Variants in MPDZ observed in about 807,000 individuals in gnomAD.
MPDZ encodes the protein multiple PDZ domain protein.
MPDZ carries 234 observed loss-of-function variants against 239.1 expected under a neutral mutation model. The ratio of observed to expected loss-of-function variants is 0.98; its 90% CI spans 0.88 to 1.09. MPDZ has a LOEUF of 1.09. Among genes scored for constraint, MPDZ ranks in the 50% least tolerant of loss-of-function variants. The probability of loss-of-function intolerance (pLI) is 0.00; values close to 1 mark genes in which losing one functional copy is unlikely to be tolerated. For missense variants in MPDZ, 3,175 were observed against 2,510.0 expected, an observed-to-expected ratio of 1.26 and a Z score of -5.66; for synonymous variants, 1,048 against 881.3, an observed-to-expected ratio of 1.19 and a Z score of -3.35.
intron 32 of MPDZ, among the ~76,000 whole-genome samples, chr9:13,127,582 G>A (rs1026889648): frequency 2.0e-5 from 3 of 152,174 alleles, no homozygotes; most frequent in Non-Finnish European, 4.4e-5. Flanking sequence ...TCTTGACATG[G>A]TTTCTCTGAA....
chr9:13,216,859 G>T lies in MPDZ; in HGVS notation c.1205C>A (p.Pro402His). 6.2e-7 allele frequency: 1 copy of T among 1,606,746 alleles called. No homozygotes were observed. The highest frequency in any genetic ancestry group is 8.5e-7 in the Non-Finnish European group (1 of 1,176,086). ...AGYIGDKKLE[P>H]SGIFVKSITK... ...AATGCTCTTTACAAAGATTCCTGAA[G>T]GTTCTAAGATTAGAAATAGTTTATT... The change falls in exon 10 of 47, where the codon CCT (proline) becomes CAT (histidine). Residue 402 changes from proline to histidine, a missense_variant. Coordinates refer to ENST00000319217, the MANE Select transcript of MPDZ (RefSeq NM_001378778.1).
intron 38 of MPDZ, 116 bp downstream of exon 38, chr9:13,121,623 G>T: frequency 9.6e-7 from 1 of 1,037,710 alleles, no homozygotes; most frequent in Non-Finnish European, 1.4e-6. Flanking sequence ...GCTAACAACA[G>T]CTACCTACTG....
At chr9:13,215,388 G>C (rs1049379776) in intron 10 of MPDZ, among the ~76,000 whole-genome samples, 1 of 150,534 alleles carries the variant, frequency 6.6e-6, no homozygotes, top group African/African-American at 2.4e-5. Flanking sequence ...AGCAATATGT[G>C]TCTATATATC....
At chr9:13,165,119 G>T (rs1950915323) in intron 22 of MPDZ, among the ~76,000 whole-genome samples, 2 of 152,114 alleles carry the variant, frequency 1.3e-5, no homozygotes, top group African/African-American at 2.4e-5. Flanking sequence ...GAGCTTGAAA[G>T]CTTCATAATT....
intron 40 of MPDZ, among the ~76,000 whole-genome samples, chr9:13,114,721 G>A (rs964038725): frequency 3.9e-5 from 6 of 151,968 alleles, no homozygotes; most frequent in Non-Finnish European, 8.8e-5. Flanking sequence ...CTGACATGGC[G>A]AAACCCCATC....
intron 42 of MPDZ, 105 bp from the exon 43 acceptor site, chr9:13,112,251 TGA>T: frequency 8.5e-7 from 1 of 1,178,326 alleles, no homozygotes; most frequent in Middle Eastern, 2.4e-4. Flanking sequence ...TTTCTAAGTG[TGA>T]GGGGGAAAAT....
intron 19 of MPDZ, among the ~76,000 whole-genome samples, chr9:13,182,739 A>C (rs1053897952): frequency 6.6e-6 from 1 of 152,092 alleles, no homozygotes; most frequent in African/African-American, 2.4e-5. Flanking sequence ...CACACCCAAA[A>C]CATTGGATAC....
chr9:13,275,155 TAA>T (rs1307018956), intron 1 of MPDZ, among the ~76,000 whole-genome samples: 1 of 152,216 alleles, frequency 6.6e-6, no homozygotes, highest in Non-Finnish European at 1.5e-5. Context: ...GTTTACACAC[TAA>T]GTCTCTTTGA....
At chr9:13,197,159 C>CTA (rs151292901) in intron 12 of MPDZ, among the ~76,000 whole-genome samples, 79,266 of 148,216 alleles carry the variant, frequency 0.53, 24,946 homozygotes, top group Non-Finnish European at 0.7. Context: ...AAACAATAAA[C>CTA]TATATATATA....
chr9:13,201,965 C>T (rs1318776403), intron 12 of MPDZ, among the ~76,000 whole-genome samples: 2 of 152,068 alleles, frequency 1.3e-5, no homozygotes, highest in Non-Finnish European at 2.9e-5. Flanking sequence ...AATTCTTCTG[C>T]GTCCATTGCT....
At chr9:13,141,272 G>A (rs1587167762) in intron 27 of MPDZ, among the ~76,000 whole-genome samples, 1 of 152,140 alleles carries the variant, frequency 6.6e-6, no homozygotes, top group African/African-American at 2.4e-5. Context: ...TCACTTTGCA[G>A]ATGAATAAAC....
At position 13,124,486 on chromosome 9, in the gene MPDZ, T is replaced by A. The variant is rs192769833; in HGVS notation, c.4807+730A>T. Among the ~76,000 whole-genome samples, 505 of 152,338 alleles carry A rather than the reference T, an allele frequency of 3.3e-3. 2 individuals are homozygous for A. The highest frequency in any genetic ancestry group is 0.011 in the African/African-American group (470 of 41,572). The stretch of plus-strand genomic sequence containing the variant: ...TTACAGAAAAAGCCAATGCCTTATT[T>A]TTTTTTGTTTGTTTTGATGCTGCAG... On this transcript the variant is annotated intron_variant, in intron 35 of 46. Transcript: ENST00000319217.
At chr9:13,190,323 A>C (rs760322985) in intron 15 of MPDZ, 24 bp from the exon 16 acceptor site, 8 of 1,487,056 alleles carry the variant, frequency 5.4e-6, no homozygotes, top group Non-Finnish European at 7.1e-6. Context: ...GACAGCTCTT[A>C]TTTCAGAGGC....
In MPDZ at chr9:13,160,869, T is replaced by TATATATAA. The variant is rs1554669676; in HGVS notation, c.3359+1821_3359+1822insTTATATAT. 1.4e-3 allele frequency among the ~76,000 whole-genome samples: 181 copies of TATATATAA among 127,758 alleles called. 2 individuals are homozygous for TATATATAA. The highest frequency in any genetic ancestry group is 4.2e-3 in the African/African-American group (144 of 34,222). The allele number at this position is 127,758 out of a possible 152,430, so 83.8% of individuals were successfully genotyped here. A position where few individuals can be genotyped will look rare whatever the true frequency, so the allele number is the denominator to read the frequency against. Reference sequence around the variant, plus strand: ...ATATATATATATATATATATATATATAAAACAGGTACTTACATAGCTTTTA... The same window carrying TATATATAA: ...ATATATATATATATATATATATATATATATATAAAAAACAGGTACTTACATAGCTTTTA... On this transcript the variant is annotated intron_variant, in intron 23 of 46. Coordinates refer to ENST00000319217, the MANE Select transcript of MPDZ (RefSeq NM_001378778.1).
chr9:13,259,646 G>A (rs1970225687), intron 1 of MPDZ, among the ~76,000 whole-genome samples: 1 of 152,130 alleles, frequency 6.6e-6, no homozygotes, highest in Non-Finnish European at 1.5e-5. Context: ...GGGGGAGAAG[G>A]TCTGATGAAA....
intron 25 of MPDZ, among the ~76,000 whole-genome samples, chr9:13,149,589 C>G (rs1457440369): frequency 6.6e-6 from 1 of 152,036 alleles, no homozygotes; most frequent in Admixed American, 6.6e-5. Context: ...GACTTGATTA[C>G]TTGTCAAGTC....
chr9:13,275,076 A>G (rs1473953035), intron 1 of MPDZ, among the ~76,000 whole-genome samples: 2 of 152,154 alleles, frequency 1.3e-5, no homozygotes, highest in Admixed American at 1.3e-4. Context: ...CCAAACATCA[A>G]ATTACCCCAG....
rs551162383 is a variant in MPDZ, at chr9:13,112,053, C to T, written c.5695G>A (p.Gly1899Arg). Reference protein sequence around the residue: ...PIFIAMMHPTGVAAQTQKLRV... With the variant: ...PIFIAMMHPTRVAAQTQKLRV... ...AGTTTTTGGGTCTGTGCTGCAACTCCAGTTGGGTGCATCATTGCAATAAAT... is the reference window on the plus strand; with the variant it reads ...AGTTTTTGGGTCTGTGCTGCAACTCTAGTTGGGTGCATCATTGCAATAAAT... Residue 1899 changes from glycine to arginine, a missense_variant, in exon 43 of 47, where the codon GGA becomes AGA. By Grantham distance (125) the Gly-to-Arg change is moderately radical (BLOSUM62 -2). Transcript: ENST00000319217. The T allele has an allele frequency of 6.2e-7, 1 of 1,613,622 alleles. No individual in the cohort carries two copies. The highest frequency in any genetic ancestry group is 1.7e-5 in the Admixed American group (1 of 59,998).
At chr9:13,184,986 G>C (rs968778061) in intron 18 of MPDZ, among the ~76,000 whole-genome samples, 1 of 151,930 alleles carries the variant, frequency 6.6e-6, no homozygotes, top group African/African-American at 2.4e-5. Context: ...CCATGTAAAG[G>C]CTAGAGAGAA....
Sources: allele counts gnomAD v4.1 joint callset (sites outside exome capture counted in the v4.1 genomes callset), GRCh38; gene constraint gnomAD v4.1.1; transcripts MANE v1.5; gene names NCBI Gene and HGNC (gene_info 2026-07-23, HGNC 2026-07-21).